WDR64: variants seen among roughly 807,000 people sequenced by gnomAD.
The protein encoded by WDR64 is WD repeat domain 64.
A neutral mutation model predicts 139.3 loss-of-function variants in WDR64; 112 were observed. The observed-to-expected ratio is 0.80, with a 90% CI of 0.69 to 0.94. The LOEUF (loss-of-function observed/expected upper bound fraction) is 0.94. WDR64 is among the 40% of genes least tolerant of loss of function. WDR64 has a pLI of 0.00. For synonymous variants in WDR64, 444 were observed against 437.7 expected (o/e 1.01, Z -0.18); for missense variants, 1,206 against 1,293.1 (o/e 0.93, Z 1.03).
intron 20 of WDR64, 115 bp downstream of exon 20, chr1:241,773,046 T>A: frequency 7.9e-7 from 1 of 1,265,342 alleles, no homozygotes; most frequent in East Asian, 2.8e-5. Context: ...TTTTCAACTT[T>A]CTAGCCAAAT....
chr1:241,784,694 G>A (rs1285942701), intron 23 of WDR64, among the ~76,000 whole-genome samples: 3 of 151,966 alleles, frequency 2.0e-5, no homozygotes, highest in Admixed American at 1.3e-4. Context: ...GGTGGCTCAC[G>A]CCTGTAATCC....
At chr1:241,800,519 T>C (rs529874679) in intron 27 of WDR64, among the ~76,000 whole-genome samples, 232 of 152,286 alleles carry the variant, frequency 1.5e-3, no homozygotes, top group African/African-American at 5.3e-3. Context: ...TGGTGACACA[T>C]GCCTGTGGTC....
At chr1:241,731,344 T>TA (rs11462817) in intron 10 of WDR64, among the ~76,000 whole-genome samples, 21,806 of 145,502 alleles carry the variant, frequency 0.15, 1,716 homozygotes, top group East Asian at 0.28. Context: ...CCTCGTCTCT[T>TA]AAAAAAAAAA....
chr1:241,727,215 C>T (rs1668880954), intron 10 of WDR64, among the ~76,000 whole-genome samples: 1 of 152,066 alleles, frequency 6.6e-6, no homozygotes, highest in Non-Finnish European at 1.5e-5. Flanking sequence ...TTAAGTAGTA[C>T]TGGAAAGACA....
intron 8 of WDR64, among the ~76,000 whole-genome samples, chr1:241,689,538 T>C (rs1667133679): frequency 6.6e-6 from 1 of 152,162 alleles, no homozygotes; most frequent in Non-Finnish European, 1.5e-5. Flanking sequence ...TTAAAGATGC[T>C]CTGACAATCC....
At chr1:241,785,180 G>A (rs1003490850) in intron 23 of WDR64, among the ~76,000 whole-genome samples, 6 of 152,080 alleles carry the variant, frequency 3.9e-5, no homozygotes, top group South Asian at 2.1e-4. Flanking sequence ...CACTGTTGTT[G>A]TAAGGTATTC....
intron 22 of WDR64, among the ~76,000 whole-genome samples, chr1:241,782,990 T>C (rs1035315390): frequency 6.6e-6 from 1 of 152,186 alleles, no homozygotes; most frequent in Admixed American, 6.5e-5. Context: ...TAATCATCAA[T>C]TAAATGAATC....
At position 241,741,614 on chromosome 1, in the gene WDR64, A is replaced by C; in HGVS notation, c.1420A>C (p.Asn474His). The C allele has an allele frequency of 6.2e-7, 1 of 1,613,406 alleles. No individual in the cohort carries two copies. Among genetic ancestry groups the C allele is most frequent in the Non-Finnish European group, 8.5e-7 (1 of 1,179,858 alleles). ...HEREINVMLY[N>H]KYFHQVLTIC... is the part of the protein sequence containing the mutation. ...ACGAGAAATCAATGTCATGCTTTAC[A>C]ACAAATATTTTCATCAAGTACTCAC... The change falls in exon 12 of 28, where the codon AAC becomes CAC. Residue 474 changes from asparagine (N) to histidine (H), a missense_variant. Coordinates refer to ENST00000437684, the MANE Select transcript of WDR64 (RefSeq NM_001367482.1).
At chr1:241,753,477 G>C (rs1255143886) in intron 14 of WDR64, among the ~76,000 whole-genome samples, 2 of 152,218 alleles carry the variant, frequency 1.3e-5, no homozygotes. Flanking sequence ...GCCAAGGCAG[G>C]CAGATTGCTT....
chr1:241,682,370 T>A (rs571490005), intron 6 of WDR64, among the ~76,000 whole-genome samples: 9 of 152,232 alleles, frequency 5.9e-5, no homozygotes, highest in Non-Finnish European at 1.2e-4. Flanking sequence ...CAGCACCATT[T>A]GTTGAATAGG....
chr1:241,749,032 C>A (rs1669879040), intron 13 of WDR64, among the ~76,000 whole-genome samples: 1 of 151,978 alleles, frequency 6.6e-6, no homozygotes, highest in South Asian at 2.1e-4. Context: ...ACGTAACCAA[C>A]AAAACCACTC....
chr1:241,801,129 C>T lies in WDR64; in HGVS notation c.3193-3C>T. Reference sequence around the variant, plus strand: ...ACTAACTGACATGCTCTTTATTTCACAGGCACCACGAAGAAGAAGTTTGAA... The same window carrying T: ...ACTAACTGACATGCTCTTTATTTCATAGGCACCACGAAGAAGAAGTTTGAA... On this transcript the variant is annotated splice_polypyrimidine_tract_variant and splice_region_variant and intron_variant, in intron 27 of 27. Transcript: ENST00000437684. 6.2e-7 allele frequency: 1 copy of T among 1,613,104 alleles called. No homozygotes were observed. The highest frequency in any genetic ancestry group is 8.5e-7 in the Non-Finnish European group (1 of 1,179,458).
intron 16 of WDR64, 101 bp downstream of exon 16, chr1:241,766,452 T>C: frequency 7.4e-7 from 1 of 1,354,568 alleles, no homozygotes; most frequent in Non-Finnish European, 9.8e-7. Context: ...GGCTCAGGTC[T>C]GTAAACCCAG....
At chr1:241,770,559 C>T (rs1658388733) in intron 17 of WDR64, 62 bp from the exon 18 acceptor site, 11 of 1,429,516 alleles carry the variant, frequency 7.7e-6, no homozygotes, top group Non-Finnish European at 1.1e-5. Context: ...GAGAAGCACA[C>T]CCTTTGAGTA....
chr1:241,734,076 A>G (rs887508848), intron 10 of WDR64, among the ~76,000 whole-genome samples: 19 of 152,166 alleles, frequency 1.2e-4, no homozygotes, highest in Non-Finnish European at 4.4e-5. Context: ...TTCTATGCAA[A>G]GTCATCCCTC....
At chr1:241,706,508 ACTT>A (rs1558482612) in intron 8 of WDR64, among the ~76,000 whole-genome samples, 1 of 152,266 alleles carries the variant, frequency 6.6e-6, no homozygotes, top group Non-Finnish European at 1.5e-5. Context: ...GAACTTAACT[ACTT>A]CTCATCTGGG....
chr1:241,703,850 G>A lies in WDR64; in HGVS notation c.975-7952G>A, dbSNP rs1390296036. 2.6e-5 allele frequency among the ~76,000 whole-genome samples: 4 copies of A among 152,116 alleles called. No individual in the cohort carries two copies. Among genetic ancestry groups the A allele is most frequent in the Non-Finnish European group, 5.9e-5 (4 of 68,022 alleles). ...GAAGCAAGGACCTTCTTCACATGAT[G>A]GCAGGAGAGAGAAAAGTGAGCAAAA... On this transcript the variant is annotated intron_variant, in intron 8 of 27. Coordinates refer to ENST00000437684, the MANE Select transcript of WDR64 (RefSeq NM_001367482.1). This position sits in a 1 kb window ranked among gnomAD's most constrained non-coding sequence, Gnocchi z 5.9.
chr1:241,798,376 T>C (rs1659427629), intron 27 of WDR64, among the ~76,000 whole-genome samples: 1 of 152,138 alleles, frequency 6.6e-6, no homozygotes, highest in Admixed American at 6.6e-5. Context: ...AAAATTGGTT[T>C]CCAATATACA....
At chr1:241,709,343 A>G (rs1322273146) in intron 8 of WDR64, among the ~76,000 whole-genome samples, 1 of 152,214 alleles carries the variant, frequency 6.6e-6, no homozygotes, top group Non-Finnish European at 1.5e-5. Context: ...CAGCTGTGGC[A>G]AGAATTCATT....
Sources: gnomAD v4.1 joint callset for allele counts (sites outside exome capture counted in the v4.1 genomes callset) on GRCh38, gnomAD v4.1.1 for gene constraint, Gnocchi (gnomAD v3.1) non-coding constraint, MANE v1.5 for transcripts, NCBI Gene and HGNC (gene_info 2026-07-23, HGNC 2026-07-21) for gene names.